Variants in PHACTR1 observed in about 807,000 individuals in gnomAD.
PHACTR1 encodes the protein RPEL repeat containing 1.
PHACTR1 carries 16 observed loss-of-function variants against 69.2 expected under a neutral mutation model. That is an observed-to-expected ratio of 0.23 (90% CI 0.16 to 0.35). The LOEUF is 0.35. Among genes scored for constraint, PHACTR1 ranks in the 10% least tolerant of loss-of-function variants. The pLI is 1.00. For synonymous variants in PHACTR1, 312 were observed against 284.5 expected (o/e 1.10, Z -0.97); for missense variants, 510 against 734.7 (o/e 0.69, Z 3.54).
chr6:13,189,465 C>T (rs1763225203), intron 7 of PHACTR1, among the ~76,000 whole-genome samples: 1 of 149,100 alleles, frequency 6.7e-6, no homozygotes, highest in African/African-American at 2.5e-5. Flanking sequence ...GTAGCACAAT[C>T]ACGGCTCACT....
At chr6:13,189,360 A>G (rs1387337509) in intron 7 of PHACTR1, among the ~76,000 whole-genome samples, 1 of 151,584 alleles carries the variant, frequency 6.6e-6, no homozygotes, top group Non-Finnish European at 1.5e-5. Flanking sequence ...ATTTATAACC[A>G]TTTGTTTATA....
chr6:12,776,258 G>A (rs952936224), intron 4 of PHACTR1, among the ~76,000 whole-genome samples: 19 of 152,104 alleles, frequency 1.2e-4, no homozygotes, highest in Admixed American at 7.2e-4. Flanking sequence ...CTTGTTGATA[G>A]AAGAAAAACA....
chr6:12,896,792 A>G (rs1457090272), intron 4 of PHACTR1, among the ~76,000 whole-genome samples: 1 of 152,198 alleles, frequency 6.6e-6, no homozygotes, highest in Non-Finnish European at 1.5e-5. Context: ...GTTTTGATCC[A>G]TGTGGTTCTT....
chr6:13,273,048 A>G (rs1439591311), intron 11 of PHACTR1, 133 bp downstream of exon 11: 3 of 1,309,864 alleles, frequency 2.3e-6, no homozygotes, highest in Non-Finnish European at 3.2e-6. Flanking sequence ...TTGAAGCTTC[A>G]TGTGTGCATG....
At chr6:12,944,022 A>T (rs1562036920) in intron 4 of PHACTR1, among the ~76,000 whole-genome samples, 1 of 152,228 alleles carries the variant, frequency 6.6e-6, no homozygotes, top group South Asian at 2.1e-4. Context: ...GCCAAACTGC[A>T]TGTGGGATTA....
intron 8 of PHACTR1, among the ~76,000 whole-genome samples, chr6:13,219,276 T>G (rs1768220535): frequency 6.6e-6 from 1 of 152,236 alleles, no homozygotes; most frequent in Non-Finnish European, 1.5e-5. Flanking sequence ...TCATTTAAGC[T>G]GTTCCATCCT....
intron 4 of PHACTR1, among the ~76,000 whole-genome samples, chr6:12,869,258 C>T (rs1201207871): frequency 6.6e-6 from 1 of 152,046 alleles, no homozygotes; most frequent in Non-Finnish European, 1.5e-5. Flanking sequence ...CTCTATCACC[C>T]ACCTCCACTT....
chr6:13,218,457 G>A (rs1362741822), intron 8 of PHACTR1, among the ~76,000 whole-genome samples: 1 of 152,138 alleles, frequency 6.6e-6, no homozygotes, highest in Non-Finnish European at 1.5e-5. Context: ...TAAAGTCTGG[G>A]CCTTACCCTT....
intron 4 of PHACTR1, among the ~76,000 whole-genome samples, chr6:12,777,141 C>G (rs1446992563): frequency 6.6e-6 from 1 of 151,862 alleles, no homozygotes; most frequent in Non-Finnish European, 1.5e-5. Flanking sequence ...ACATTTTGTA[C>G]TTTATTCAAT....
chr6:13,037,653 A>G (rs1380984209), intron 4 of PHACTR1, among the ~76,000 whole-genome samples: 1 of 152,144 alleles, frequency 6.6e-6, no homozygotes, highest in African/African-American at 2.4e-5. Context: ...ATGTCCTTCT[A>G]AGCTGATGGG....
chr6:13,284,828 G>A (rs542178115), intron 13 of PHACTR1, among the ~76,000 whole-genome samples: 31 of 152,264 alleles, frequency 2.0e-4, no homozygotes, highest in Non-Finnish European at 2.9e-4. Flanking sequence ...TGGCTGGGAC[G>A]GAAGCAGCAA....
intron 4 of PHACTR1, among the ~76,000 whole-genome samples, chr6:12,797,027 GT>G (rs1773086698): frequency 8.2e-6 from 1 of 122,558 alleles, no homozygotes; most frequent in African/African-American, 2.8e-5. Context: ...GTGTGTGTGT[GT>G]GTGTGTGTGT....
At chr6:13,231,445 GAGGAAGGAAAGAAGGAAGGAAGGA>G (rs1562038988) in intron 10 of PHACTR1, among the ~76,000 whole-genome samples, 24 of 101,586 alleles carry the variant, frequency 2.4e-4, no homozygotes, top group African/African-American at 6.4e-4. Context: ...AGGAGGGAGG[GAGGAAGGAAAGAAGGAAGGAAGGA>G]AGGAAGGAAA....
At chr6:12,988,323 T>G (rs923458973) in intron 4 of PHACTR1, among the ~76,000 whole-genome samples, 2 of 152,220 alleles carry the variant, frequency 1.3e-5, no homozygotes, top group Admixed American at 1.3e-4. Context: ...CATCTCAAAG[T>G]GTTATGTGGC....
chr6:13,068,839 TC>T (rs2127768757), intron 5 of PHACTR1, among the ~76,000 whole-genome samples: 1 of 152,222 alleles, frequency 6.6e-6, no homozygotes, highest in Non-Finnish European at 1.5e-5. Context: ...CAGTATCCTT[TC>T]GAAAAGCAGA....
chr6:12,965,746 C>T (rs895558353), intron 4 of PHACTR1, among the ~76,000 whole-genome samples: 1 of 152,156 alleles, frequency 6.6e-6, no homozygotes, highest in African/African-American at 2.4e-5. Context: ...CTCACGGAGA[C>T]GTCACCTTGC....
At chr6:12,934,883 A>G (rs550265613) in intron 4 of PHACTR1, among the ~76,000 whole-genome samples, 1 of 152,242 alleles carries the variant, frequency 6.6e-6, no homozygotes, top group South Asian at 2.1e-4. Context: ...TTACCAGCTA[A>G]TAACCGGGTA....
chr6:12,839,150 A>G (rs1237105911), intron 4 of PHACTR1, among the ~76,000 whole-genome samples: 1 of 152,224 alleles, frequency 6.6e-6, no homozygotes, highest in African/African-American at 2.4e-5. Context: ...CTAACCATAG[A>G]AAAGTTCAAC....
At position 13,116,187 on chromosome 6, in the gene PHACTR1, G is replaced by A. The variant is rs181084755; in HGVS notation, c.416-44017G>A. On this transcript the variant is annotated intron_variant, in intron 5 of 14. Coordinates refer to ENST00000332995, the MANE Select transcript of PHACTR1 (RefSeq NM_030948.6). ...ACACTATTGAGGAGGCTACCAATAG[G>A]CAGATAACTGAACTGAAATTGGAGG... Among the ~76,000 whole-genome samples, 8 of 152,272 alleles carry A rather than the reference G, an allele frequency of 5.3e-5. No individual in the cohort carries two copies. In the East Asian group the frequency reaches 1.5e-3, roughly 29 times the overall value.
Sources: gnomAD v4.1 joint callset for allele counts (sites outside exome capture counted in the v4.1 genomes callset) on GRCh38, gnomAD v4.1.1 for gene constraint, MANE v1.5 for transcripts, NCBI Gene and HGNC (gene_info 2026-07-23, HGNC 2026-07-21) for gene names.